Variants in CNTNAP3 observed in about 807,000 individuals in gnomAD.
The protein encoded by CNTNAP3 is contactin associated protein family member 3.
In CNTNAP3, 36 loss-of-function variants were observed where a neutral mutation model predicts 92.1. The observed-to-expected ratio is 0.39, with a 90% CI of 0.30 to 0.52. The LOEUF (loss-of-function observed/expected upper bound fraction) is 0.52. Among genes scored for constraint, CNTNAP3 ranks in the 20% least tolerant of loss-of-function variants. The probability of loss-of-function intolerance (pLI) is 0.76; values close to 1 mark genes in which losing one functional copy is unlikely to be tolerated. For missense variants in CNTNAP3, 534 were observed against 1,069.6 expected (o/e 0.50, Z 6.98); for synonymous variants, 232 against 422.3 (o/e 0.55, Z 5.53).
Position 39,103,882 on chromosome 9 carries a change from C to T in CNTNAP3, c.2398G>A (p.Glu800Lys), listed in dbSNP as rs375854615. 1.2e-6 allele frequency: 2 copies of T among 1,610,544 alleles called. No homozygotes were observed. The highest frequency in any genetic ancestry group is 1.7e-6 in the Non-Finnish European group (2 of 1,179,362). ...GCAGGGAAATGAAGGTATGAAGTCTCAGTGTTGAAGGAAGCTGAATTCCAG... is the reference window on the plus strand; with the variant it reads ...GCAGGGAAATGAAGGTATGAAGTCTTAGTGTTGAAGGAAGCTGAATTCCAG... ...SFWNSASFNT[E>K]TSYLHFPAFH... Residue 800 changes from glutamate (E) to lysine (K), a missense_variant, in exon 16 of 24, where the codon GAG becomes AAG. Physicochemically the swap from Glu to Lys is moderately conservative, Grantham distance 56. Coordinates refer to ENST00000297668, the MANE Select transcript of CNTNAP3 (RefSeq NM_033655.5).
At chr9:39,129,869 T>C (rs1319501795) in intron 13 of CNTNAP3, among the ~76,000 whole-genome samples, 3 of 152,108 alleles carry the variant, frequency 2.0e-5, no homozygotes, top group Non-Finnish European at 4.4e-5. Context: ...GAAAACGATA[T>C]ACAGATGGCA....
At chr9:39,122,416 C>T (rs946446275) in intron 13 of CNTNAP3, among the ~76,000 whole-genome samples, 13 of 151,838 alleles carry the variant, frequency 8.6e-5, no homozygotes, top group African/African-American at 2.7e-4. Flanking sequence ...CTCCTCTTCC[C>T]GCACCTTATC....
At chr9:39,108,211 TCAGATGAGGAGCCCCCAGA>T (rs143266157) in intron 15 of CNTNAP3, among the ~76,000 whole-genome samples, 17,520 of 151,940 alleles carry the variant, frequency 0.12, 1,108 homozygotes, top group Admixed American at 0.16. Context: ...GGTCTGCATC[TCAGATGAGGAGCCCCCAGA>T]CAAGGGTCCG....
intron 21 of CNTNAP3, among the ~76,000 whole-genome samples, chr9:39,082,848 T>C (rs1217238113): frequency 2.0e-5 from 3 of 152,368 alleles, no homozygotes; most frequent in African/African-American, 4.8e-5. Flanking sequence ...ACAATGCAAA[T>C]GAACTGCTGC....
chr9:39,102,790 T>C (rs1826495033), intron 16 of CNTNAP3, 75 bp from the exon 17 acceptor site: 3 of 980,114 alleles, frequency 3.1e-6, no homozygotes, highest in East Asian at 5.2e-5. Flanking sequence ...CAGGAAAACA[T>C]GAAGGCACGC....
intron 15 of CNTNAP3, among the ~76,000 whole-genome samples, chr9:39,104,136 A>T (rs1344977426): frequency 6.6e-6 from 1 of 152,110 alleles, no homozygotes; most frequent in East Asian, 1.9e-4. Flanking sequence ...GGCCAAACAA[A>T]AGCGAAGCAA....
At chr9:39,143,929 C>A (rs887027112) in intron 11 of CNTNAP3, among the ~76,000 whole-genome samples, 1 of 152,160 alleles carries the variant, frequency 6.6e-6, no homozygotes, top group Non-Finnish European at 1.5e-5. Context: ...AGTAATGGAA[C>A]AAGCTGTTAC....
intron 22 of CNTNAP3, 113 bp from the exon 23 acceptor site, chr9:39,078,569 T>G: frequency 6.4e-7 from 1 of 1,550,418 alleles, no homozygotes; most frequent in Non-Finnish European, 8.7e-7. Context: ...ATCACAAAAA[T>G]GTATTTTAAA....
chr9:39,180,724 G>C (rs1206231512), intron 4 of CNTNAP3, among the ~76,000 whole-genome samples: 2 of 150,600 alleles, frequency 1.3e-5, no homozygotes, highest in Non-Finnish European at 3.0e-5. Context: ...AAAGCATTGA[G>C]TTCAATAAGT....
intron 11 of CNTNAP3, among the ~76,000 whole-genome samples, chr9:39,142,152 A>C (rs1333562154): frequency 6.6e-6 from 1 of 152,192 alleles, no homozygotes; most frequent in Non-Finnish European, 1.5e-5. Context: ...GGACTAATAT[A>C]ACTCATTGAT....
At chr9:39,087,666 T>C (rs1826093482) in intron 19 of CNTNAP3, among the ~76,000 whole-genome samples, 1 of 152,118 alleles carries the variant, frequency 6.6e-6, no homozygotes, top group Admixed American at 6.5e-5. Context: ...TTTTGTATTT[T>C]TAGTAGAGAT....
chr9:39,105,811 T>C (rs936609452), intron 15 of CNTNAP3, among the ~76,000 whole-genome samples: 1 of 151,316 alleles, frequency 6.6e-6, no homozygotes, highest in Admixed American at 6.6e-5. Context: ...TCATTGCTTC[T>C]AGCCCTCTCA....
chr9:39,096,435 A>T (rs1182469005), intron 18 of CNTNAP3, among the ~76,000 whole-genome samples: 1 of 152,090 alleles, frequency 6.6e-6, no homozygotes, highest in Non-Finnish European at 1.5e-5. Flanking sequence ...AATACCTAAT[A>T]GTTGTACGTT....
chr9:39,130,015 T>C (rs1231983982), intron 13 of CNTNAP3, among the ~76,000 whole-genome samples: 1 of 152,164 alleles, frequency 6.6e-6, no homozygotes, highest in African/African-American at 2.4e-5. Context: ...CTGATGAGCA[T>C]GTGGAGGAAA....
chr9:39,104,491 C>CAT (rs1202336364), intron 15 of CNTNAP3, among the ~76,000 whole-genome samples: 1 of 146,716 alleles, frequency 6.8e-6, no homozygotes, highest in Non-Finnish European at 1.5e-5. Context: ...CACACACACA[C>CAT]ACACACACAC....
rs533147917 is a variant in CNTNAP3, at chr9:39,101,261, A to C, written c.2756-1111T>G. Among the ~76,000 whole-genome samples, 866 of 151,380 alleles carry C rather than the reference A, an allele frequency of 5.7e-3. 13 individuals are homozygous for C. The highest frequency in any genetic ancestry group is 0.019 in the African/African-American group (798 of 41,214). ...TATAACACCCCATCCACATCCACAT[A>C]CATACGTGGGTTCACGTGTAGCATT... is the stretch of plus-strand genomic sequence containing the variant. On this transcript the variant is annotated intron_variant, in intron 17 of 23. Transcript: ENST00000297668.
intron 21 of CNTNAP3, chr9:39,085,105 C>G (rs771930523): frequency 2.0e-5 from 3 of 146,578 alleles, no homozygotes; most frequent in African/African-American, 7.6e-5. Flanking sequence ...AAAAAGATTA[C>G]TTTCCTCAGT....
intron 12 of CNTNAP3, among the ~76,000 whole-genome samples, chr9:39,134,143 T>A (rs1821369159): frequency 6.6e-6 from 1 of 152,052 alleles, no homozygotes; most frequent in South Asian, 2.1e-4. Flanking sequence ...TACACACGCC[T>A]AACAACAGAG....
chr9:39,130,388 A>G (rs1587722947), intron 13 of CNTNAP3, among the ~76,000 whole-genome samples: 2 of 152,274 alleles, frequency 1.3e-5, no homozygotes, highest in South Asian at 2.1e-4. Flanking sequence ...CTCAACCACA[A>G]AGAGTACATA....
Sources: gnomAD v4.1 joint callset for allele counts (sites outside exome capture counted in the v4.1 genomes callset) on GRCh38, gnomAD v4.1.1 for gene constraint, MANE v1.5 for transcripts, NCBI Gene and HGNC (gene_info 2026-07-23, HGNC 2026-07-21) for gene names.